The following CFAP77 variants were observed in gnomAD, a reference collection of about 807,000 sequenced individuals.
The protein encoded by CFAP77 is cilia and flagella associated protein 77.
In CFAP77, 25 loss-of-function variants were observed where a neutral mutation model predicts 31.1. That is an observed-to-expected ratio of 0.80 (90% CI 0.59 to 1.12). The LOEUF (loss-of-function observed/expected upper bound fraction) is 1.12, where lower values mean the gene tolerates loss of function less well. Ranked by LOEUF, CFAP77 falls within the 50% of genes most tolerant of loss-of-function variation. The pLI, the probability that CFAP77 is intolerant of heterozygous loss-of-function variation, is 0.00. For missense variants in CFAP77, 377 were observed against 397.3 expected (o/e 0.95, Z 0.44); for synonymous variants, 151 against 159.9 (o/e 0.94, Z 0.42).
At chr9:132,442,716 AT>A (rs997472006) in intron 1 of CFAP77, among the ~76,000 whole-genome samples, 2 of 149,274 alleles carry the variant, frequency 1.3e-5, no homozygotes, top group African/African-American at 4.9e-5. Context: ...ATATGTACTT[AT>A]TTTTTGTAGA....
intron 3 of CFAP77, among the ~76,000 whole-genome samples, chr9:132,512,675 G>C (rs1852060559): frequency 6.6e-6 from 1 of 152,234 alleles, no homozygotes; most frequent in Non-Finnish European, 1.5e-5. Context: ...GGCCAGGCGT[G>C]GTGGCTTACA....
intron 1 of CFAP77, among the ~76,000 whole-genome samples, chr9:132,420,498 C>CA (rs111664274): frequency 0.045 from 5,723 of 126,716 alleles, 254 homozygotes; most frequent in African/African-American, 0.13. Context: ...ACTAAAAATA[C>CA]AAAAAAAAAA....
chr9:132,498,760 C>G lies in CFAP77; in HGVS notation c.261C>G (p.Leu87=), dbSNP rs375455824. 1.8e-5 allele frequency: 29 copies of G among 1,611,686 alleles called. No individual in the cohort carries two copies. Among genetic ancestry groups the G allele is most frequent in the Non-Finnish European group, 2.3e-5 (27 of 1,178,856 alleles). Residue 87 remains leucine (L), a synonymous_variant, in exon 2 of 6, where the codon CTC becomes CTG. Coordinates refer to ENST00000393216, the MANE Select transcript of CFAP77 (RefSeq NM_001282957.2). This position sits in a 1 kb window ranked among gnomAD's most constrained non-coding sequence, Gnocchi z 4.2. Reference sequence around the variant, plus strand: ...CCGGCATTAATTTTAATTATGGACTCTACATCCGAGGGCTTGACGGAGGAG... The same window carrying G: ...CCGGCATTAATTTTAATTATGGACTGTACATCCGAGGGCTTGACGGAGGAG... The part of the protein sequence containing the change: ...SLPGINFNYG[L]YIRGLDGGVP...
In CFAP77 at chr9:132,542,949, G is replaced by A. The variant is rs1852670409; in HGVS notation, c.634G>A (p.Val212Ile). 6 of 1,613,922 alleles carry A rather than the reference G, an allele frequency of 3.7e-6. No homozygotes were observed. Residue 212 changes from valine to isoleucine, a missense_variant, in exon 5 of 6, where the codon GTC (valine) becomes ATC (isoleucine). By Grantham distance (29) the Val-to-Ile change is conservative. Coordinates refer to ENST00000393216, the MANE Select transcript of CFAP77 (RefSeq NM_001282957.2). ...TTTGCCTTTCCCTGGCCTACAGGTG[G>A]TCCTTGGGAAGCTGTATGAGACCCG... is the stretch of plus-strand genomic sequence containing the variant. ...AIKLEKKQKVVLGKLYETRSS... is the reference protein window; with the variant it reads ...AIKLEKKQKVILGKLYETRSS...
In CFAP77 at chr9:132,499,254, A is replaced by T. The variant is rs1851797402; in HGVS notation, c.296-118A>T. On this transcript the variant is annotated intron_variant, in intron 2 of 5. Coordinates refer to ENST00000393216, the MANE Select transcript of CFAP77 (RefSeq NM_001282957.2). This position sits in a 1 kb window ranked among gnomAD's most constrained non-coding sequence, Gnocchi z 5.4. ...GGGCCAGGCAGGGTTGTCACCCAGT[A>T]GGCTCAGGTAAATGGGAAGGCCGAG... The T allele has an allele frequency of 2.4e-6, 2 of 849,802 alleles. No individual in the cohort carries two copies. The highest frequency in any genetic ancestry group is 3.7e-6 in the Non-Finnish European group (2 of 547,654). The allele number at this position is 849,802 out of a possible 1,614,324, so 52.6% of individuals were successfully genotyped here.
intron 1 of CFAP77, among the ~76,000 whole-genome samples, chr9:132,479,813 G>A (rs1330767303): frequency 1.3e-5 from 2 of 152,206 alleles, no homozygotes; most frequent in African/African-American, 2.4e-5. Flanking sequence ...TACTACGTGA[G>A]AGGCAGTGAA....
Position 132,499,115 on chromosome 9 carries a change from C to A in CFAP77, c.296-257C>A, listed in dbSNP as rs1851795532. Among the ~76,000 whole-genome samples the A allele has an allele frequency of 6.6e-6, 1 of 152,200 alleles. No individual in the cohort carries two copies. Among genetic ancestry groups the A allele is most frequent in the Admixed American group, 6.5e-5 (1 of 15,284 alleles). ...GAATGAGACTGGGACCAACCCTCTGCCTGCCCAGAGGAAGTCAAGGGCCAG... is the reference window on the plus strand; with the variant it reads ...GAATGAGACTGGGACCAACCCTCTGACTGCCCAGAGGAAGTCAAGGGCCAG... On this transcript the variant is annotated intron_variant, in intron 2 of 5. Coordinates refer to ENST00000393216, the MANE Select transcript of CFAP77 (RefSeq NM_001282957.2). The surrounding 1 kb of genome is among the most constrained non-coding windows in gnomAD (Gnocchi z 5.4).
chr9:132,455,281 T>C lies in CFAP77; in HGVS notation c.196-43414T>C, dbSNP rs145602082. On this transcript the variant is annotated intron_variant, in intron 1 of 5. Coordinates refer to ENST00000393216, the MANE Select transcript of CFAP77 (RefSeq NM_001282957.2). The surrounding 1 kb of genome is among the most constrained non-coding windows in gnomAD (Gnocchi z 4.1). ...CAGCACTTTGGGAGGCCGAGGCGGG[T>C]GGATCACCTGAGGTCAGGAGTTCGA... Among the ~76,000 whole-genome samples, 8,555 of 151,854 alleles carry C rather than the reference T, an allele frequency of 0.056. 783 individuals carry two copies. Among genetic ancestry groups the C allele is most frequent in the African/African-American group, 0.19 (7,855 of 41,408 alleles).
chr9:132,449,037 G>A (rs1193923850), intron 1 of CFAP77, among the ~76,000 whole-genome samples: 3 of 152,238 alleles, frequency 2.0e-5, no homozygotes, highest in African/African-American at 7.2e-5. Context: ...CAAGGGTAGG[G>A]CACCGTGGAG....
intron 5 of CFAP77, among the ~76,000 whole-genome samples, chr9:132,550,081 T>C (rs1307239585): frequency 1.3e-5 from 2 of 151,878 alleles, no homozygotes; most frequent in Non-Finnish European, 2.9e-5. Context: ...AGTCTGGGAG[T>C]GTCTGTGGTG....
chr9:132,422,982 C>A (rs1181607885), intron 1 of CFAP77, among the ~76,000 whole-genome samples: 2 of 152,138 alleles, frequency 1.3e-5, no homozygotes, highest in African/African-American at 4.8e-5. Context: ...TTACACAAGC[C>A]CAAGTCCGCC....
At chr9:132,457,832 G>A (rs1051248508) in intron 1 of CFAP77, among the ~76,000 whole-genome samples, 6 of 152,224 alleles carry the variant, frequency 3.9e-5, no homozygotes, top group African/African-American at 1.2e-4. Flanking sequence ...GCATAAAGAC[G>A]CGTGCCTGTG....
chr9:132,484,707 T>C (rs991255892), intron 1 of CFAP77, among the ~76,000 whole-genome samples: 2 of 152,126 alleles, frequency 1.3e-5, no homozygotes, highest in Non-Finnish European at 2.9e-5. Flanking sequence ...GTACATGTGT[T>C]TGAATGCCTG....
At chr9:132,508,977 T>A (rs112047039) in intron 3 of CFAP77, among the ~76,000 whole-genome samples, 23 of 152,212 alleles carry the variant, frequency 1.5e-4, no homozygotes, top group African/African-American at 5.5e-4. Context: ...GGCGAGGAAG[T>A]CATTTCTCAT....
chr9:132,435,090 T>C (rs1359912767), intron 1 of CFAP77, among the ~76,000 whole-genome samples: 2 of 151,874 alleles, frequency 1.3e-5, no homozygotes, highest in African/African-American at 2.4e-5. Flanking sequence ...GCCTTGGAGG[T>C]GGTGTTGTGG....
At chr9:132,433,550 ATTT>A (rs34728456) in intron 1 of CFAP77, among the ~76,000 whole-genome samples, 7 of 142,262 alleles carry the variant, frequency 4.9e-5, no homozygotes, top group Admixed American at 6.9e-5. Flanking sequence ...CTATTCATTC[ATTT>A]TTTTTTTTTT....
At chr9:132,546,256 G>T (rs1245167947) in intron 5 of CFAP77, among the ~76,000 whole-genome samples, 1 of 152,198 alleles carries the variant, frequency 6.6e-6, no homozygotes, top group Non-Finnish European at 1.5e-5. Flanking sequence ...CCTGGACTCA[G>T]GGGTCCGGGC....
rs1829977058 is a variant in CFAP77, at chr9:132,572,737, C to T, written c.*227C>T. 1.9e-6 allele frequency: 1 copy of T among 539,194 alleles called. No individual in the cohort carries two copies. The highest frequency in any genetic ancestry group is 3.3e-5 in the East Asian group (1 of 30,510). 33.4% of individuals were successfully genotyped at this position (539,194 alleles called of 1,614,324 possible). On this transcript the variant is annotated 3_prime_UTR_variant, in exon 6 of 6. Coordinates refer to ENST00000393216, the MANE Select transcript of CFAP77 (RefSeq NM_001282957.2). Reference sequence around the variant, plus strand: ...AGTGACCCTCTACCTGGAGCCTCCTCCTCTCCTCCTCCTTCTCCTCCTAGG... The same window carrying T: ...AGTGACCCTCTACCTGGAGCCTCCTTCTCTCCTCCTCCTTCTCCTCCTAGG...
intron 1 of CFAP77, among the ~76,000 whole-genome samples, chr9:132,468,417 C>T (rs76743762): frequency 0.011 from 1,605 of 152,208 alleles, 30 homozygotes; most frequent in African/African-American, 0.037. Flanking sequence ...CAGCACTTTC[C>T]ACTCCAGCCT....
Sources: allele counts gnomAD v4.1 joint callset (sites outside exome capture counted in the v4.1 genomes callset), GRCh38; gene constraint gnomAD v4.1.1; non-coding constraint Gnocchi (gnomAD v3.1); transcripts MANE v1.5; gene names NCBI Gene and HGNC (gene_info 2026-07-23, HGNC 2026-07-21).